SCFD2: variants seen among roughly 807,000 people sequenced by gnomAD.
SCFD2 encodes sec1 family domain containing 2, also known as sec1 family domain-containing protein 2.
A neutral mutation model predicts 58.9 loss-of-function variants in SCFD2; 54 were observed. That is an observed-to-expected ratio of 0.92 (90% confidence interval 0.74 to 1.15). The LOEUF (loss-of-function observed/expected upper bound fraction) is 1.15, where lower values mean the gene tolerates loss of function less well. Ranked by LOEUF, SCFD2 falls within the 50% of genes most tolerant of loss-of-function variation. The pLI is 0.00. For synonymous variants in SCFD2, 321 were observed against 335.9 expected (o/e 0.96, Z 0.49); for missense variants, 805 against 836.6 (o/e 0.96, Z 0.47).
rs142081673 is a variant in SCFD2 at position 53,122,773 on chromosome 4, G to A, written c.1561+22560C>T. ...ACCTACTTCACAGGATTGCTATGAG[G>A]TATAATGAGGGAAAGTACGCAAGGC... On this transcript the variant is annotated intron_variant, in intron 5 of 8. Transcript: ENST00000401642. Among the ~76,000 whole-genome samples the A allele has an allele frequency of 3.8e-3, 578 of 152,272 alleles. 2 individuals carry two copies. The highest frequency in any genetic ancestry group is 0.013 in the African/African-American group (528 of 41,544).
chr4:53,274,232 T>C (rs1263515719), intron 3 of SCFD2, among the ~76,000 whole-genome samples: 2 of 152,198 alleles, frequency 1.3e-5, no homozygotes, highest in African/African-American at 4.8e-5. Context: ...AATTAAGGGA[T>C]CTGGCCAAGG....
At chr4:53,349,913 G>A (rs902634100) in intron 2 of SCFD2, among the ~76,000 whole-genome samples, 5 of 152,126 alleles carry the variant, frequency 3.3e-5, no homozygotes, top group African/African-American at 1.2e-4. Flanking sequence ...TTTAGAGCCA[G>A]GCTGCCTGGG....
chr4:53,342,814 C>T (rs909010384), intron 2 of SCFD2, among the ~76,000 whole-genome samples: 14 of 152,154 alleles, frequency 9.2e-5, no homozygotes, highest in Admixed American at 3.9e-4. Flanking sequence ...TCACTCAAAA[C>T]CGCTCAACTA....
rs574896061 is a variant in SCFD2 at position 53,152,111 on chromosome 4, C to G, written c.1312-6529G>C. 2.6e-5 allele frequency among the ~76,000 whole-genome samples: 4 copies of G among 152,262 alleles called. No individual in the cohort carries two copies. In the South Asian group the frequency reaches 8.3e-4, roughly 32 times the overall value. On this transcript the variant is annotated intron_variant, in intron 4 of 8. Coordinates refer to ENST00000401642, the MANE Select transcript of SCFD2 (RefSeq NM_152540.4). ...GTTTTGTATTATTATTTTTGACAAA[C>G]CAGACTTTACTAAAATTTCTGTTCA...
intron 3 of SCFD2, among the ~76,000 whole-genome samples, chr4:53,294,456 G>T (rs1169582888): frequency 6.6e-6 from 1 of 152,198 alleles, no homozygotes; most frequent in Non-Finnish European, 1.5e-5. Flanking sequence ...AGAAGTGTCT[G>T]TTCATATCCT....
chr4:53,223,830 T>A (rs1022411737), intron 4 of SCFD2, among the ~76,000 whole-genome samples: 5 of 152,202 alleles, frequency 3.3e-5, no homozygotes, highest in Non-Finnish European at 4.4e-5. Flanking sequence ...TATGCAAATC[T>A]CATGGAAGGT....
chr4:53,220,566 GT>G (rs1282213850), intron 4 of SCFD2, among the ~76,000 whole-genome samples: 1 of 150,944 alleles, frequency 6.6e-6, no homozygotes, highest in African/African-American at 2.4e-5. Flanking sequence ...ATAAAATGCA[GT>G]CAGGTATTCA....
At chr4:53,227,894 T>A (rs1347613743) in intron 4 of SCFD2, among the ~76,000 whole-genome samples, 1 of 152,240 alleles carries the variant, frequency 6.6e-6, no homozygotes, top group Non-Finnish European at 1.5e-5. Context: ...ATACTAGAAG[T>A]GCAGTTTGAC....
At chr4:53,356,052 C>A (rs1734392101) in intron 1 of SCFD2, among the ~76,000 whole-genome samples, 1 of 152,202 alleles carries the variant, frequency 6.6e-6, no homozygotes, top group Non-Finnish European at 1.5e-5. Context: ...CTGCAGTCAT[C>A]TGAATGCTTG....
chr4:53,182,685 G>A (rs1727609795), intron 4 of SCFD2, among the ~76,000 whole-genome samples: 1 of 152,108 alleles, frequency 6.6e-6, no homozygotes, highest in Admixed American at 6.6e-5. Context: ...CTTCTGCGCA[G>A]CAAAAGAAAC....
intron 3 of SCFD2, among the ~76,000 whole-genome samples, chr4:53,274,509 T>C (rs1731270833): frequency 1.3e-5 from 2 of 152,274 alleles, no homozygotes; most frequent in Admixed American, 1.3e-4. Flanking sequence ...TAAAAGCAGT[T>C]ACATGGAACA....
intron 7 of SCFD2, among the ~76,000 whole-genome samples, chr4:52,901,548 C>T (rs990790911): frequency 1.3e-5 from 2 of 152,188 alleles, no homozygotes; most frequent in African/African-American, 4.8e-5. Flanking sequence ...TGAGGCCCCT[C>T]ACTGCCAGCT....
intron 4 of SCFD2, among the ~76,000 whole-genome samples, chr4:53,153,046 G>A (rs1726559475): frequency 6.6e-6 from 1 of 152,200 alleles, no homozygotes; most frequent in Non-Finnish European, 1.5e-5. Context: ...AGAGGTAAGT[G>A]TCTGCAGCTT....
At chr4:52,911,795 T>C (rs1719492272) in intron 6 of SCFD2, among the ~76,000 whole-genome samples, 1 of 152,238 alleles carries the variant, frequency 6.6e-6, no homozygotes, top group African/African-American at 2.4e-5. Context: ...CCCTCTCTTC[T>C]AGACTCAGTT....
chr4:53,331,728 G>A (rs2149133083), intron 2 of SCFD2, among the ~76,000 whole-genome samples: 2 of 152,176 alleles, frequency 1.3e-5, no homozygotes, highest in Admixed American at 6.6e-5. Flanking sequence ...CTAGCAGAAG[G>A]CAAGAAATAA....
intron 4 of SCFD2, among the ~76,000 whole-genome samples, chr4:53,238,238 T>C (rs1388570884): frequency 1.9e-5 from 2 of 103,792 alleles, no homozygotes; most frequent in South Asian, 3.7e-4. Context: ...GGCTCCTCAC[T>C]TCCCAGTAGG....
chr4:52,978,412 T>C (rs1721300634), intron 5 of SCFD2, among the ~76,000 whole-genome samples: 1 of 152,154 alleles, frequency 6.6e-6, no homozygotes, highest in Non-Finnish European at 1.5e-5. Context: ...GAATTATGTA[T>C]ATCTTAGCCC....
chr4:53,346,458 G>A (rs1052252242), intron 2 of SCFD2, among the ~76,000 whole-genome samples: 1 of 151,858 alleles, frequency 6.6e-6, no homozygotes, highest in African/African-American at 2.4e-5. Context: ...ATTTTTAGTA[G>A]AGAAAGGGTT....
chr4:52,884,630 C>T (rs1718693100), intron 8 of SCFD2, among the ~76,000 whole-genome samples: 1 of 152,148 alleles, frequency 6.6e-6, no homozygotes, highest in Non-Finnish European at 1.5e-5. Flanking sequence ...AGTAAACTAC[C>T]TGCTCTCTCA....
Sources: allele counts gnomAD v4.1 joint callset (sites outside exome capture counted in the v4.1 genomes callset), GRCh38; gene constraint gnomAD v4.1.1; transcripts MANE v1.5; gene names NCBI Gene and HGNC (gene_info 2026-07-23, HGNC 2026-07-21).